The following FKBP9 variants were observed in gnomAD, a reference collection of about 807,000 sequenced individuals.
FKBP9 encodes the protein FKBP prolyl isomerase 9.
A neutral mutation model predicts 55.6 loss-of-function variants in FKBP9; 27 were observed. That is an observed-to-expected ratio of 0.49 (90% confidence interval 0.36 to 0.67). The LOEUF (loss-of-function observed/expected upper bound fraction) is 0.67. Ranked by LOEUF, FKBP9 falls within the 30% of genes least tolerant of loss-of-function variation. The probability of loss-of-function intolerance (pLI) is 0.00; values close to 1 mark genes in which losing one functional copy is unlikely to be tolerated. For missense variants in FKBP9, 539 were observed against 742.8 expected, an observed-to-expected ratio of 0.73 and a Z score of 3.19; for synonymous variants, 267 against 296.5, an observed-to-expected ratio of 0.90 and a Z score of 1.02.
chr7:32,983,180 C>T (rs1367351812), intron 5 of FKBP9, among the ~76,000 whole-genome samples: 6 of 152,012 alleles, frequency 3.9e-5, no homozygotes, highest in African/African-American at 9.7e-5. Flanking sequence ...TGAGCCACCA[C>T]TCCCAGCTAA....
intron 5 of FKBP9, among the ~76,000 whole-genome samples, chr7:32,985,838 C>T (rs4358700): frequency 0.14 from 21,353 of 151,798 alleles, 2,018 homozygotes; most frequent in Admixed American, 0.3. Flanking sequence ...ACCAAAAATA[C>T]AAAAATTAGC....
intron 1 of FKBP9, among the ~76,000 whole-genome samples, chr7:32,963,167 T>C (rs1489187031): frequency 6.6e-6 from 1 of 151,964 alleles, no homozygotes; most frequent in African/African-American, 2.4e-5. Flanking sequence ...GGAGTGTGTT[T>C]AAGAGAGTGG....
intron 6 of FKBP9, among the ~76,000 whole-genome samples, chr7:32,989,833 G>A (rs1473202256): frequency 6.6e-6 from 1 of 152,100 alleles, no homozygotes; most frequent in Non-Finnish European, 1.5e-5. Context: ...TTTGTTTTGA[G>A]ACAAAGTCTT....
Position 33,005,937 on chromosome 7 carries a change from G to A in FKBP9, c.*586G>A, listed in dbSNP as rs1272681021. ...ATGCTTTTCCAGCTCATCACACCCC[G>A]CCCCACTATGGGCCTACCATTAATA... On this transcript the variant is annotated 3_prime_UTR_variant, in exon 10 of 10. Coordinates refer to ENST00000242209, the MANE Select transcript of FKBP9 (RefSeq NM_007270.5). 1.7e-5 allele frequency: 4 copies of A among 231,608 alleles called. No homozygotes were observed. The highest frequency in any genetic ancestry group is 2.6e-5 in the Non-Finnish European group (3 of 117,438). The allele number at this position is 231,608 out of a possible 1,614,324, so 14.3% of individuals were successfully genotyped here. A position where few individuals can be genotyped will look rare whatever the true frequency, so the allele number is the denominator to read the frequency against.
intron 1 of FKBP9, among the ~76,000 whole-genome samples, chr7:32,966,815 G>T (rs1470421856): frequency 2.0e-5 from 3 of 152,198 alleles, no homozygotes; most frequent in Non-Finnish European, 4.4e-5. Context: ...AGGAGCAAGA[G>T]AGAGGGTGGG....
At chr7:32,986,691 T>C (rs1181534484) in intron 5 of FKBP9, among the ~76,000 whole-genome samples, 2 of 152,110 alleles carry the variant, frequency 1.3e-5, no homozygotes, top group African/African-American at 2.4e-5. Context: ...CCCCATGACT[T>C]TGTGGTCTTT....
intron 1 of FKBP9, among the ~76,000 whole-genome samples, chr7:32,967,840 C>T (rs1263941373): frequency 6.6e-6 from 1 of 152,078 alleles, no homozygotes; most frequent in African/African-American, 2.4e-5. Flanking sequence ...TCGCAACCTC[C>T]GCCTCCCAGG....
intron 6 of FKBP9, among the ~76,000 whole-genome samples, chr7:32,993,371 C>A (rs1410376318): frequency 6.6e-6 from 1 of 152,142 alleles, no homozygotes; most frequent in African/African-American, 2.4e-5. Flanking sequence ...CCCGATTCCT[C>A]CCTCCTATCA....
intron 5 of FKBP9, among the ~76,000 whole-genome samples, chr7:32,984,422 A>AT (rs954736715): frequency 6.6e-6 from 1 of 151,760 alleles, no homozygotes; most frequent in African/African-American, 2.4e-5. Context: ...TGCCCGACTC[A>AT]TTTTTTTGTA....
At chr7:32,998,535 T>C (rs1356586652) in intron 7 of FKBP9, 5 of 152,206 alleles carry the variant, frequency 3.3e-5, no homozygotes, top group Non-Finnish European at 4.4e-5. Flanking sequence ...TGAGAGCCTC[T>C]GTATTACATG....
chr7:32,961,083 TATGAC>T lies in FKBP9; in HGVS notation c.221+3291_221+3295del, dbSNP rs143382236. 1.4e-4 allele frequency among the ~76,000 whole-genome samples: 22 copies of T among 152,318 alleles called. No homozygotes were observed. In the East Asian group the frequency reaches 4.1e-3, roughly 28 times the overall value. On this transcript the variant is annotated intron_variant, in intron 1 of 9. Coordinates refer to ENST00000242209, the MANE Select transcript of FKBP9 (RefSeq NM_007270.5). ...CTATGGTCTGTAGTCCACCCATGTA[TATGAC>T]AGAAGAAAGGTAAGTAGCTATGAAA...
chr7:32,968,776 GC>G (rs201749806), intron 1 of FKBP9, among the ~76,000 whole-genome samples: 1 of 148,934 alleles, frequency 6.7e-6, no homozygotes, highest in Non-Finnish European at 1.5e-5. Context: ...TTTTGCCTCA[GC>G]CCCCCGAGTA....
intron 4 of FKBP9, among the ~76,000 whole-genome samples, chr7:32,979,131 T>A (rs1285215780): frequency 6.6e-6 from 1 of 152,014 alleles, no homozygotes; most frequent in Non-Finnish European, 1.5e-5. Context: ...TAGCCAGGCG[T>A]GGTGGCAGGT....
intron 5 of FKBP9, among the ~76,000 whole-genome samples, chr7:32,987,190 C>T (rs1386043782): frequency 2.6e-5 from 4 of 152,046 alleles, no homozygotes; most frequent in African/African-American, 9.7e-5. Context: ...ATGCTGCTTT[C>T]CTGGCGATCG....
chr7:33,004,420 A>C (rs1784994277), intron 9 of FKBP9, among the ~76,000 whole-genome samples: 1 of 152,056 alleles, frequency 6.6e-6, no homozygotes, highest in African/African-American at 2.4e-5. Flanking sequence ...ACCTGCCCCC[A>C]GTGCTGTCTG....
intron 1 of FKBP9, among the ~76,000 whole-genome samples, chr7:32,966,791 C>T (rs896133360): frequency 3.3e-5 from 5 of 152,104 alleles, no homozygotes; most frequent in Non-Finnish European, 7.4e-5. Flanking sequence ...GCAGACATCT[C>T]ACATGGCAAG....
At chr7:32,979,278 AAAAAG>A (rs1285784841) in intron 4 of FKBP9, among the ~76,000 whole-genome samples, 1 of 152,208 alleles carries the variant, frequency 6.6e-6, no homozygotes, top group East Asian at 1.9e-4. Context: ...CAAGAAAAAA[AAAAAG>A]AAAAGAAAAA....
At position 32,991,054 on chromosome 7, in the gene FKBP9, C is replaced by T. The variant is rs191754864; in HGVS notation, c.1039+2402C>T. ...GTCTTGATTCTCTATTGCTTTTTAT[C>T]GTGTGGATTTCTACTTCTAGTCAAA... On this transcript the variant is annotated intron_variant, in intron 6 of 9. Coordinates refer to ENST00000242209, the MANE Select transcript of FKBP9 (RefSeq NM_007270.5). 6.2e-4 allele frequency among the ~76,000 whole-genome samples: 95 copies of T among 152,276 alleles called. 1 individual carries two copies. Among genetic ancestry groups the T allele is most frequent in the African/African-American group, 2.1e-3 (88 of 41,552 alleles).
chr7:32,976,727 A>T (rs1476993581), intron 4 of FKBP9, among the ~76,000 whole-genome samples: 1 of 152,196 alleles, frequency 6.6e-6, no homozygotes, highest in Non-Finnish European at 1.5e-5. Context: ...GTTGCTGAGG[A>T]CCACCATAGT....
Sources: allele counts gnomAD v4.1 joint callset (sites outside exome capture counted in the v4.1 genomes callset), GRCh38; gene constraint gnomAD v4.1.1; transcripts MANE v1.5; gene names NCBI Gene and HGNC (gene_info 2026-07-23, HGNC 2026-07-21).